Variants in ASB10 observed in about 807,000 individuals in gnomAD.
ASB10 encodes ankyrin repeat and SOCS box protein 10.
A neutral mutation model predicts 35.4 loss-of-function variants in ASB10; 44 were observed. The observed-to-expected ratio is 1.24, with a 90% CI of 0.98 to 1.60. The LOEUF (loss-of-function observed/expected upper bound fraction) is 1.60, where lower values mean the gene tolerates loss of function less well. ASB10 is among the 40% of genes most tolerant of loss of function. The pLI is 0.00. For synonymous variants in ASB10, 294 were observed against 280.4 expected, an observed-to-expected ratio of 1.05 and a Z score of -0.49; for missense variants, 647 against 634.3, an observed-to-expected ratio of 1.02 and a Z score of -0.22.
In ASB10 at chr7:151,186,653, C is replaced by T. The variant is rs769747540; in HGVS notation, c.323G>A (p.Trp108Ter). The change falls in exon 2 of 6, where the codon TGG becomes TAG. Residue 108 changes from tryptophan to a stop codon, truncating the protein, a stop_gained. Coordinates refer to ENST00000420175, the MANE Select transcript of ASB10 (RefSeq NM_001142459.2). LOFTEE classifies it high-confidence loss of function. ...CAGCTCCTCTTCGTATGTCAGAGAC[C>T]AGAGTCCTAGGGAGGGGAGACGTGG... is the stretch of plus-strand genomic sequence containing the variant. ...FRFNIRALRL[W>*]SLTYEEELTT... is the part of the protein sequence containing the mutation. 1 of 1,607,984 alleles carries T rather than the reference C, an allele frequency of 6.2e-7. No individual in the cohort carries two copies. Among genetic ancestry groups the T allele is most frequent in the Admixed American group, 1.7e-5 (1 of 59,724 alleles).
Position 151,181,289 on chromosome 7 carries a change from G to C in ASB10, c.754C>G (p.Leu252Val). The stretch of plus-strand genomic sequence containing the variant: ...CAGCGGACGTCACAGGCAGCCAGCA[G>C]TGGGGTCCAGCCTTCGGCATTGCGG... The part of the protein sequence containing the change: ...DARNAEGWTP[L>V]LAACDVRCQS... The change falls in exon 3 of 6, where the codon CTG (leucine) becomes GTG (valine). Residue 252 changes from leucine (L) to valine (V), a missense_variant. By Grantham distance (32) the Leu-to-Val change is conservative (BLOSUM62 1). Transcript: ENST00000420175. 1.2e-6 allele frequency: 2 copies of C among 1,613,218 alleles called. No homozygotes were observed. Among genetic ancestry groups the C allele is most frequent in the Non-Finnish European group, 1.7e-6 (2 of 1,180,016 alleles).
intron 3 of ASB10, among the ~76,000 whole-genome samples, chr7:151,178,065 T>A (rs901544729): frequency 5.9e-5 from 9 of 152,066 alleles, no homozygotes; most frequent in African/African-American, 2.2e-4. Context: ...CTGGCCAACA[T>A]GGTGAAACCC....
intron 2 of ASB10, among the ~76,000 whole-genome samples, chr7:151,182,486 G>A (rs1210155357): frequency 6.6e-6 from 1 of 152,182 alleles, no homozygotes. Context: ...GCTGAGGCAG[G>A]AGAATCGCTT....
chr7:151,182,460 C>A (rs1801513196), intron 2 of ASB10, among the ~76,000 whole-genome samples: 8 of 152,050 alleles, frequency 5.3e-5, no homozygotes. Context: ...CCCCTGTAAT[C>A]CCAGCTACTT....
intron 2 of ASB10, 63 bp from the exon 3 acceptor site, chr7:151,181,521 G>A (rs1801494282): frequency 6.7e-7 from 1 of 1,496,402 alleles, no homozygotes; most frequent in Non-Finnish European, 8.9e-7. Flanking sequence ...GAACACACTT[G>A]GGTGGCTCTT....
chr7:151,186,617 A>C lies in ASB10; in HGVS notation c.359T>G (p.Leu120Arg). ...GTGGCCACGGCTGGCTGCCACATGC[A>C]GTGGGGTGGTCAGCTCCTCTTCGTA... The part of the protein sequence containing the change: ...LTYEEELTTP[L>R]HVAASRGHTE... The change falls in exon 2 of 6, where the codon CTG (leucine) becomes CGG (arginine). Residue 120 changes from leucine (L) to arginine (R), a missense_variant. Leu to Arg is a moderately radical substitution (Grantham distance 102). Transcript: ENST00000420175. The C allele has an allele frequency of 6.2e-7, 1 of 1,611,152 alleles. No individual in the cohort carries two copies. Among genetic ancestry groups the C allele is most frequent in the Non-Finnish European group, 8.5e-7 (1 of 1,179,270 alleles).
Position 151,181,438 on chromosome 7 carries a change from C to G in ASB10, c.605G>C (p.Arg202Thr). Residue 202 changes from arginine (R) to threonine (T), a missense_variant, in exon 3 of 6, where the codon AGG becomes ACG. Coordinates refer to ENST00000420175, the MANE Select transcript of ASB10 (RefSeq NM_001142459.2). ...CCGACCATCCACTCTCGCTCCAAAC[C>G]TGAGGAGCAGCTCCGCACACCTATT... ...GTLECAELLL[R>T]FGARVDGRSE... The G allele has an allele frequency of 6.2e-7, 1 of 1,600,162 alleles. No homozygotes were observed. The highest frequency in any genetic ancestry group is 8.5e-7 in the Non-Finnish European group (1 of 1,171,060).
chr7:151,176,520 G>A, intron 4 of ASB10, 43 bp downstream of exon 4: 1 of 1,524,420 alleles, frequency 6.6e-7, no homozygotes, highest in Non-Finnish European at 8.9e-7. Flanking sequence ...GGAGTCTTGG[G>A]ACCAGGATGA....
At chr7:151,187,374 C>T (rs1801621491), upstream of ASB10, 1 of 1,544,310 alleles carries the variant, frequency 6.5e-7, no homozygotes, top group Non-Finnish European at 8.7e-7. This position sits in a 1 kb window ranked among gnomAD's most constrained non-coding sequence, Gnocchi z 5.3. Flanking sequence ...TCTCCTTTCA[C>T]TCAAGCCCTT....
chr7:151,181,063 C>G lies in ASB10; in HGVS notation c.980G>C (p.Gly327Ala). ...GVSANTMDYGGHTPLHCALQG... is the reference protein window; with the variant it reads ...GVSANTMDYGAHTPLHCALQG... The stretch of plus-strand genomic sequence containing the variant: ...CAGAGCACAGTGCAGGGGCGTGTGT[C>G]CCCCATAGTCCATGGTGTTGGCGCT... Residue 327 changes from glycine to alanine, a missense_variant, in exon 3 of 6, where the codon GGA becomes GCA. By Grantham distance (60) the Gly-to-Ala change is moderately conservative (BLOSUM62 0). Transcript: ENST00000420175. The G allele has an allele frequency of 6.2e-7, 1 of 1,612,448 alleles. No individual in the cohort carries two copies. The highest frequency in any genetic ancestry group is 2.2e-5 in the East Asian group (1 of 44,868).
chr7:151,176,516 T>C (rs1407188376), intron 4 of ASB10, 47 bp downstream of exon 4: 2 of 1,521,318 alleles, frequency 1.3e-6, no homozygotes, highest in Non-Finnish European at 1.8e-6. Context: ...GGTGGGAGTC[T>C]TGGGACCAGG....
chr7:151,177,929 A>C (rs917950903), intron 3 of ASB10, among the ~76,000 whole-genome samples: 2 of 152,200 alleles, frequency 1.3e-5, no homozygotes, highest in African/African-American at 4.8e-5. Flanking sequence ...AGAAGTCATC[A>C]CTCACAGATC....
chr7:151,187,165 G>T lies in ASB10; in HGVS notation c.-35C>A. The T allele has an allele frequency of 1.3e-6, 2 of 1,556,588 alleles. No homozygotes were observed. The highest frequency in any genetic ancestry group is 1.2e-5 in the South Asian group (1 of 84,498). ...GAAAGGGGAGTGGGGAGGAGGAGAGGTATATGCCAAAGGCAGAGAGAGAGA... is the reference window on the plus strand; with the variant it reads ...GAAAGGGGAGTGGGGAGGAGGAGAGTTATATGCCAAAGGCAGAGAGAGAGA... On this transcript the variant is annotated 5_prime_UTR_variant, in exon 1 of 6. Coordinates refer to ENST00000420175, the MANE Select transcript of ASB10 (RefSeq NM_001142459.2). This position sits in a 1 kb window ranked among gnomAD's most constrained non-coding sequence, Gnocchi z 5.3.
intron 2 of ASB10, among the ~76,000 whole-genome samples, chr7:151,184,971 G>A (rs1801560862): frequency 1.3e-5 from 2 of 151,984 alleles, no homozygotes; most frequent in Non-Finnish European, 2.9e-5. Context: ...GCAGTGAGCC[G>A]AGATCGCACC....
Position 151,187,096 on chromosome 7 carries a change from C to A in ASB10, c.35G>T (p.Gly12Val). 6.2e-7 allele frequency: 1 copy of A among 1,600,820 alleles called. No homozygotes were observed. Among genetic ancestry groups the A allele is most frequent in the Non-Finnish European group, 8.5e-7 (1 of 1,173,944 alleles). Residue 12 changes from glycine (G) to valine (V), a missense_variant, in exon 1 of 6, where the codon GGG becomes GTG. Transcript: ENST00000420175. The surrounding 1 kb of genome is among the most constrained non-coding windows in gnomAD (Gnocchi z 5.3). ...LMSWSPEECK[G>V]QGEPLDDRHP... The stretch of plus-strand genomic sequence containing the variant: ...TCTGTCATCGAGGGGCTCTCCCTGC[C>A]CCTTGCACTCTTCTGGAGACCAACT...
At chr7:151,186,687 T>TC in intron 1 of ASB10, 28 bp from the exon 2 acceptor site, 6 of 1,581,084 alleles carry the variant, frequency 3.8e-6, no homozygotes, top group Non-Finnish European at 5.2e-6. Flanking sequence ...GGGCCTCAGA[T>TC]CCCCAGGGAA....
rs149145246 is a variant in ASB10, at chr7:151,178,179, G to A, written c.1105-1503C>T. On this transcript the variant is annotated intron_variant, in intron 3 of 5. Transcript: ENST00000420175. ...CAAGAGAATCTCTTGAGCCTGGGAG[G>A]CAGAGGTTGCAGTGAGCCGGGATCG... Among the ~76,000 whole-genome samples, 1,261 of 152,364 alleles carry A rather than the reference G, an allele frequency of 8.3e-3. 17 individuals carry two copies. Among genetic ancestry groups the A allele is most frequent in the African/African-American group, 0.028 (1,168 of 41,590 alleles).
chr7:151,176,750 T>C (rs1343274903), intron 3 of ASB10, 74 bp from the exon 4 acceptor site: 2 of 1,086,570 alleles, frequency 1.8e-6, no homozygotes, highest in Non-Finnish European at 2.7e-6. Flanking sequence ...ATAGTTGTTG[T>C]GGGTTGAACT....
chr7:151,187,387 G>A (rs548499022), upstream of ASB10: 284 of 1,549,178 alleles, frequency 1.8e-4, no homozygotes, highest in African/African-American at 3.6e-3. The surrounding 1 kb of genome is among the most constrained non-coding windows in gnomAD (Gnocchi z 5.3). Flanking sequence ...AAGCCCTTAG[G>A]ACCTCTGTGG....
Sources: allele counts gnomAD v4.1 joint callset (sites outside exome capture counted in the v4.1 genomes callset), GRCh38; gene constraint gnomAD v4.1.1; non-coding constraint Gnocchi (gnomAD v3.1); transcripts MANE v1.5; gene names NCBI Gene and HGNC (gene_info 2026-07-23, HGNC 2026-07-21).